KCMF1: variants seen among roughly 807,000 people sequenced by gnomAD.
KCMF1 encodes potassium channel modulatory factor 1, also known as E3 ubiquitin-protein ligase KCMF1.
KCMF1 carries 3 observed loss-of-function variants against 41.1 expected under a neutral mutation model. The ratio of observed to expected loss-of-function variants is 0.07; its 90% CI spans 0.03 to 0.19. KCMF1 has a LOEUF of 0.19. Ranked by LOEUF, KCMF1 falls within the 10% of genes least tolerant of loss-of-function variation. The pLI is 1.00. For synonymous variants in KCMF1, 142 were observed against 164.5 expected, an observed-to-expected ratio of 0.86 and a Z score of 1.04; for missense variants, 286 against 488.9, an observed-to-expected ratio of 0.58 and a Z score of 3.91.
At chr2:85,011,808 C>T (rs1297146938) in intron 1 of KCMF1, among the ~76,000 whole-genome samples, 2 of 152,140 alleles carry the variant, frequency 1.3e-5, no homozygotes, top group African/African-American at 2.4e-5. Context: ...GCCTTGGCAT[C>T]GTAGACATTT....
chr2:84,990,500 T>C (rs1009831776), intron 1 of KCMF1, among the ~76,000 whole-genome samples: 1 of 152,054 alleles, frequency 6.6e-6, no homozygotes, highest in African/African-American at 2.4e-5. Context: ...ATAAATATTC[T>C]GAAGAAAATA....
chr2:85,027,531 C>A (rs1035202577), intron 1 of KCMF1, among the ~76,000 whole-genome samples: 1 of 151,758 alleles, frequency 6.6e-6, no homozygotes, highest in Non-Finnish European at 1.5e-5. Flanking sequence ...CCAGCCACCA[C>A]GCCCAGCTAA....
chr2:85,029,738 A>G (rs1438373865), intron 2 of KCMF1, among the ~76,000 whole-genome samples: 25 of 145,620 alleles, frequency 1.7e-4, no homozygotes, highest in Admixed American at 8.3e-4. Flanking sequence ...CTGGAGTGCA[A>G]TGGCGCCATC....
At chr2:85,037,406 G>A (rs751927299) in intron 3 of KCMF1, among the ~76,000 whole-genome samples, 11 of 152,182 alleles carry the variant, frequency 7.2e-5, no homozygotes, top group Non-Finnish European at 1.3e-4. Context: ...AGCAGGTACA[G>A]CCAAGTGTAG....
At chr2:85,003,925 A>C (rs1674400057) in intron 1 of KCMF1, among the ~76,000 whole-genome samples, 2 of 152,060 alleles carry the variant, frequency 1.3e-5, no homozygotes, top group Admixed American at 1.3e-4. Flanking sequence ...CCTTTATCTG[A>C]GGGGGGACAT....
intron 4 of KCMF1, 131 bp from the exon 5 acceptor site, chr2:85,045,973 C>G (rs750242870): frequency 2.8e-6 from 2 of 721,262 alleles, no homozygotes; most frequent in South Asian, 4.0e-5. Context: ...GGGACATTTG[C>G]ACTTTAAGTT....
rs113566336 is a variant in KCMF1 at position 84,989,350 on chromosome 2, C to A, written c.16+17883C>A. On this transcript the variant is annotated intron_variant, in intron 1 of 6. Transcript: ENST00000409785. ...AAAATAATGATAGTTGATGGATTGCCAGGCTTGTGGTGTAGGGGGAAGGCA... is the reference window on the plus strand; with the variant it reads ...AAAATAATGATAGTTGATGGATTGCAAGGCTTGTGGTGTAGGGGGAAGGCA... 8.0e-3 allele frequency among the ~76,000 whole-genome samples: 1,220 copies of A among 152,246 alleles called. 13 individuals are homozygous for A. The highest frequency in any genetic ancestry group is 0.028 in the African/African-American group (1,165 of 41,550).
chr2:85,049,300 T>G, intron 5 of KCMF1, 66 bp from the exon 6 acceptor site: 7 of 1,488,366 alleles, frequency 4.7e-6, no homozygotes, highest in African/African-American at 1.4e-5. Context: ...AGTAAAAGAG[T>G]GATCTGTAGC....
At chr2:84,998,901 T>G (rs1674243601) in intron 1 of KCMF1, among the ~76,000 whole-genome samples, 3 of 151,584 alleles carry the variant, frequency 2.0e-5, no homozygotes, top group Admixed American at 1.3e-4. Context: ...TATGACCCAC[T>G]GTGCTGGGCC....
chr2:84,997,370 G>A (rs1674202835), intron 1 of KCMF1, among the ~76,000 whole-genome samples: 1 of 152,076 alleles, frequency 6.6e-6, no homozygotes, highest in Non-Finnish European at 1.5e-5. Flanking sequence ...CATATCCTCT[G>A]CCTTTCCTTT....
chr2:85,015,390 A>C (rs1232841222), intron 1 of KCMF1, among the ~76,000 whole-genome samples: 1 of 152,146 alleles, frequency 6.6e-6, no homozygotes, highest in Non-Finnish European at 1.5e-5. Flanking sequence ...GCTGAGTATA[A>C]TAGTAGATTG....
rs1675887821 is a variant in KCMF1, at chr2:85,054,702, A to T, written c.*1293A>T. The stretch of plus-strand genomic sequence containing the variant: ...GGGGGTTGGGAGGGCAGTTTTTGGA[A>T]TGTAAATTTAGGACTTTTAAAAAGG... On this transcript the variant is annotated 3_prime_UTR_variant, in exon 7 of 7. Transcript: ENST00000409785. 1.3e-5 allele frequency: 2 copies of T among 152,156 alleles called. No individual in the cohort carries two copies. Among genetic ancestry groups the T allele is most frequent in the Admixed American group, 1.3e-4 (2 of 15,266 alleles). The allele number at this position is 152,156 out of a possible 1,614,324, so 9.4% of individuals were successfully genotyped here. A position where few individuals can be genotyped will look rare whatever the true frequency, so the allele number is the denominator to read the frequency against.
chr2:85,005,608 A>C (rs568075851), intron 1 of KCMF1, among the ~76,000 whole-genome samples: 2 of 152,198 alleles, frequency 1.3e-5, no homozygotes, highest in African/African-American at 4.8e-5. Flanking sequence ...TTTATTTTTA[A>C]TTGACACGTG....
chr2:85,023,966 GA>G (rs1397779233), intron 1 of KCMF1, among the ~76,000 whole-genome samples: 6 of 152,100 alleles, frequency 3.9e-5, no homozygotes, highest in Non-Finnish European at 4.4e-5. Flanking sequence ...TAATGAGATT[GA>G]GCATCTTTTC....
At chr2:85,038,772 A>G (rs1221048613) in intron 3 of KCMF1, among the ~76,000 whole-genome samples, 3 of 152,196 alleles carry the variant, frequency 2.0e-5, no homozygotes, top group African/African-American at 7.2e-5. Flanking sequence ...GGTGATCAGA[A>G]AATCCCTTGG....
At chr2:85,027,649 T>G (rs987683621) in intron 1 of KCMF1, among the ~76,000 whole-genome samples, 1 of 152,128 alleles carries the variant, frequency 6.6e-6, no homozygotes, top group Non-Finnish European at 1.5e-5. Context: ...GTGCTCAGAT[T>G]ACAGGCGTGA....
intron 1 of KCMF1, among the ~76,000 whole-genome samples, chr2:84,994,706 A>G (rs1414321680): frequency 2.6e-5 from 4 of 151,990 alleles, no homozygotes; most frequent in African/African-American, 9.7e-5. Context: ...CCCAGCCAAC[A>G]ACACTTCTTT....
rs566275068 is a variant in KCMF1 at position 84,978,122 on chromosome 2, C to T, written c.16+6655C>T. Among the ~76,000 whole-genome samples the T allele has an allele frequency of 2.6e-4, 40 of 152,056 alleles. No individual in the cohort carries two copies. The East Asian group carries it at 2.9e-3, about 11-fold the overall frequency. ...AAGTGATTCTCCTGCCTCAGCCTCT[C>T]GAGTAGCTAGGATTACAGGCATGCG... On this transcript the variant is annotated intron_variant, in intron 1 of 6. Transcript: ENST00000409785.
chr2:85,008,304 TA>T lies in KCMF1; in HGVS notation c.17-19583del, dbSNP rs1674536364. Among the ~76,000 whole-genome samples, 12 of 93,730 alleles carry T rather than the reference TA, an allele frequency of 1.3e-4. 1 individual carries two copies. The highest frequency in any genetic ancestry group is 6.1e-4 in the African/African-American group (11 of 18,012). 61.5% of individuals were successfully genotyped at this position (93,730 alleles called of 152,430 possible). A position where few individuals can be genotyped will look rare whatever the true frequency, so the allele number is the denominator to read the frequency against. ...TATGATATATAATATATATAATATA[TA>T]ATATGATATATATATCATATATAAT... On this transcript the variant is annotated intron_variant, in intron 1 of 6. Transcript: ENST00000409785.
Sources: allele counts gnomAD v4.1 joint callset (sites outside exome capture counted in the v4.1 genomes callset), GRCh38; gene constraint gnomAD v4.1.1; transcripts MANE v1.5; gene names NCBI Gene and HGNC (gene_info 2026-07-23, HGNC 2026-07-21).